STX17: variants seen among roughly 807,000 people sequenced by gnomAD.
STX17 encodes the protein syntaxin-17.
In STX17, 29 loss-of-function variants were observed where a neutral mutation model predicts 35.9. The ratio of observed to expected loss-of-function variants is 0.81; its 90% CI spans 0.60 to 1.10. STX17 has a LOEUF of 1.10. STX17 is among the 50% of genes least tolerant of loss of function. The pLI, the probability that STX17 is intolerant of heterozygous loss-of-function variation, is 0.00. For missense variants in STX17, 312 were observed against 352.3 expected (o/e 0.89, Z 0.92); for synonymous variants, 92 against 118.3 (o/e 0.78, Z 1.44).
At chr9:99,937,069 T>G (rs1829251775) in intron 3 of STX17, among the ~76,000 whole-genome samples, 1 of 152,330 alleles carries the variant, frequency 6.6e-6, no homozygotes, top group East Asian at 1.9e-4. Flanking sequence ...TTTCAGTACT[T>G]TAAAGATGTT....
chr9:99,951,320 A>G (rs897311297), intron 4 of STX17, 35 bp downstream of exon 4: 12 of 1,585,450 alleles, frequency 7.6e-6, no homozygotes, highest in Non-Finnish European at 9.5e-6. Context: ...TCTCAGTCAC[A>G]GTAGTGCAGT....
At chr9:99,949,811 T>C (rs1420413489) in intron 3 of STX17, among the ~76,000 whole-genome samples, 5 of 152,012 alleles carry the variant, frequency 3.3e-5, no homozygotes, top group Non-Finnish European at 7.4e-5. Flanking sequence ...TTTCAAAGTA[T>C]AGACCATTGA....
chr9:99,933,249 T>C (rs1829161937), intron 3 of STX17, among the ~76,000 whole-genome samples: 1 of 152,180 alleles, frequency 6.6e-6, no homozygotes. Context: ...TAACTCCATA[T>C]GTCTCTGATC....
At chr9:99,951,323 A>G in intron 4 of STX17, 38 bp downstream of exon 4, 1 of 1,583,210 alleles carries the variant, frequency 6.3e-7, no homozygotes, top group South Asian at 1.1e-5. Context: ...CAGTCACAGT[A>G]GTGCAGTTAA....
At chr9:99,946,408 A>T (rs1829483750) in intron 3 of STX17, among the ~76,000 whole-genome samples, 1 of 152,220 alleles carries the variant, frequency 6.6e-6, no homozygotes, top group South Asian at 2.1e-4. Context: ...TTAACTTAGA[A>T]GTACAGATAA....
At chr9:99,964,221 A>T (rs1420508543) in intron 6 of STX17, among the ~76,000 whole-genome samples, 2 of 152,188 alleles carry the variant, frequency 1.3e-5, no homozygotes. Context: ...AAAACAGTTC[A>T]TTGGTTTTGA....
At chr9:99,934,021 AC>A (rs1829177992) in intron 3 of STX17, among the ~76,000 whole-genome samples, 1 of 152,204 alleles carries the variant, frequency 6.6e-6, no homozygotes, top group Admixed American at 6.5e-5. Context: ...ATAGTTTAAA[AC>A]CTTAGTAAAA....
intron 3 of STX17, among the ~76,000 whole-genome samples, chr9:99,944,863 G>T (rs535849689): frequency 6.6e-6 from 1 of 152,116 alleles, no homozygotes; most frequent in Admixed American, 6.5e-5. Flanking sequence ...GGGTTATTTA[G>T]AAATATGTCT....
rs977032524 is a variant in STX17, at chr9:99,972,871, G to T, written c.*4198G>T. ...GGAGGTTCTCCTCGGAAATGAGGTGGTTTTTTTTGTTATTAAGTAGAACGT... is the reference window on the plus strand; with the variant it reads ...GGAGGTTCTCCTCGGAAATGAGGTGTTTTTTTTTGTTATTAAGTAGAACGT... On this transcript the variant is annotated 3_prime_UTR_variant, in exon 8 of 8. Transcript: ENST00000259400. Among the ~76,000 whole-genome samples, 14 of 151,966 alleles carry T rather than the reference G, an allele frequency of 9.2e-5. No individual in the cohort carries two copies. Among genetic ancestry groups the T allele is most frequent in the Admixed American group, 3.3e-4 (5 of 15,260 alleles).
At chr9:99,906,860 G>A (rs1828558346) in intron 1 of STX17, 154 bp downstream of exon 1, 2 of 152,326 alleles carry the variant, frequency 1.3e-5, no homozygotes, top group African/African-American at 4.8e-5. Context: ...CTGTTTTTCA[G>A]AAGTGGCGGA....
intron 3 of STX17, among the ~76,000 whole-genome samples, chr9:99,931,666 T>C (rs1343731055): frequency 6.6e-6 from 1 of 152,176 alleles, no homozygotes; most frequent in Non-Finnish European, 1.5e-5. Context: ...CTATTTACTG[T>C]CTGGTTCTTT....
chr9:99,967,527 A>G, intron 6 of STX17, 126 bp from the exon 7 acceptor site: 1 of 610,792 alleles, frequency 1.6e-6, no homozygotes, highest in South Asian at 2.1e-5. Flanking sequence ...GATGCTATTA[A>G]TGAACCACTA....
At chr9:99,957,983 C>G (rs1829747273) in intron 4 of STX17, among the ~76,000 whole-genome samples, 1 of 152,090 alleles carries the variant, frequency 6.6e-6, no homozygotes, top group Non-Finnish European at 1.5e-5. Context: ...AATCTAAAAT[C>G]TGATTATGGC....
rs1398928905 is a variant in STX17, at chr9:99,973,753, A to C, written c.*5080A>C. On this transcript the variant is annotated 3_prime_UTR_variant, in exon 8 of 8. Transcript: ENST00000259400. Reference sequence around the variant, plus strand: ...GCCACAAGAATTAACAACCATGTCCATCTTTCATTTTTCTGCTGAAAGATT... The same window carrying C: ...GCCACAAGAATTAACAACCATGTCCCTCTTTCATTTTTCTGCTGAAAGATT... Among the ~76,000 whole-genome samples, 1 of 152,156 alleles carries C rather than the reference A, an allele frequency of 6.6e-6. No homozygotes were observed. The highest frequency in any genetic ancestry group is 2.4e-5 in the African/African-American group (1 of 41,426).
intron 1 of STX17, among the ~76,000 whole-genome samples, chr9:99,910,201 C>G (rs1480727490): frequency 1.3e-5 from 2 of 151,710 alleles, no homozygotes; most frequent in Admixed American, 1.3e-4. Context: ...CCACTTCACT[C>G]CAGCCTGGGC....
At chr9:99,942,828 G>A (rs1243661392) in intron 3 of STX17, among the ~76,000 whole-genome samples, 1 of 151,350 alleles carries the variant, frequency 6.6e-6, no homozygotes, top group African/African-American at 2.4e-5. Context: ...TGCTACTTTT[G>A]TCGTAAGTCA....
At chr9:99,959,134 C>T (rs572270619) in intron 4 of STX17, among the ~76,000 whole-genome samples, 8 of 152,248 alleles carry the variant, frequency 5.3e-5, no homozygotes, top group East Asian at 1.9e-4. Context: ...CTCCTTGGAA[C>T]ATTGGCCAAG....
At chr9:99,931,970 A>G (rs1268131007) in intron 3 of STX17, among the ~76,000 whole-genome samples, 2 of 152,182 alleles carry the variant, frequency 1.3e-5, no homozygotes, top group African/African-American at 4.8e-5. Flanking sequence ...ATGCTTGGGC[A>G]AGCTGGCGTT....
chr9:99,936,791 G>A (rs1384911392), intron 3 of STX17, among the ~76,000 whole-genome samples: 1 of 151,728 alleles, frequency 6.6e-6, no homozygotes, highest in African/African-American at 2.4e-5. Context: ...ATTTAAATAG[G>A]CATTTATTTT....
Sources: allele counts gnomAD v4.1 joint callset (sites outside exome capture counted in the v4.1 genomes callset), GRCh38; gene constraint gnomAD v4.1.1; transcripts MANE v1.5; gene names NCBI Gene and HGNC (gene_info 2026-07-23, HGNC 2026-07-21).